Variants in FBXL22 observed in about 807,000 individuals in gnomAD.
The protein encoded by FBXL22 is F-box and leucine rich repeat protein 22.
In FBXL22, 13 loss-of-function variants were observed where a neutral mutation model predicts 11.7. The ratio of observed to expected loss-of-function variants is 1.11; its 90% CI spans 0.73 to 1.77. The LOEUF (loss-of-function observed/expected upper bound fraction) is 1.77. FBXL22 is among the 40% of genes most tolerant of loss of function. The pLI is 0.00. For missense variants in FBXL22, 406 were observed against 320.4 expected, an observed-to-expected ratio of 1.27 and a Z score of -2.04; for synonymous variants, 160 against 144.1, an observed-to-expected ratio of 1.11 and a Z score of -0.79.
chr15:63,606,287 G>C (rs768297675), downstream of FBXL22, among the ~76,000 whole-genome samples: 6 of 152,216 alleles, frequency 3.9e-5, no homozygotes, highest in Non-Finnish European at 5.9e-5. Flanking sequence ...CAGAAGTCCT[G>C]GGCAAAGGCC....
Position 63,601,061 on chromosome 15 carries a change from CGGGGAAGGA to C in FBXL22, c.*24_*32del, listed in dbSNP as rs2067363991. The C allele has an allele frequency of 1.2e-5, 15 of 1,231,018 alleles. No homozygotes were observed. Among genetic ancestry groups the C allele is most frequent in the Non-Finnish European group, 1.5e-5 (15 of 987,472 alleles). 76.3% of individuals were successfully genotyped at this position (1,231,018 alleles called of 1,614,324 possible). A position where few individuals can be genotyped will look rare whatever the true frequency, so the allele number is the denominator to read the frequency against. On this transcript the variant is annotated 3_prime_UTR_variant, in exon 2 of 2. Transcript: ENST00000638704. ...CTAGACGCCGCCCCGCCGCTGCCCC[CGGGGAAGGA>C]GCGCAGCCCCAGACCGTCCTGGCTT...
downstream of FBXL22, chr15:63,601,495 A>AC (rs1566930127): frequency 6.5e-7 from 1 of 1,546,172 alleles, no homozygotes; most frequent in Non-Finnish European, 8.7e-7. Context: ...ACCCAGCGAG[A>AC]CCCCGCCGGC....
At chr15:63,601,849 G>C (rs1392545686), downstream of FBXL22, 1 of 1,040,606 alleles carries the variant, frequency 9.6e-7, no homozygotes, top group African/African-American at 1.7e-5. Context: ...CCCTGGCTAA[G>C]CTTTTGATAA....
downstream of FBXL22, among the ~76,000 whole-genome samples, chr15:63,603,731 CAG>C (rs563539778): frequency 2.0e-3 from 301 of 152,358 alleles, 1 homozygote; most frequent in Non-Finnish European, 3.7e-3. Context: ...ACTCCAGAAA[CAG>C]GGTAGCCACA....
In FBXL22 at chr15:63,600,924, G is replaced by A; in HGVS notation, c.581G>A (p.Arg194His). ...AGCGCGGCCGGCCTGCGCCGCCTGCGCGCCGCGTGCCCGCGCCTGGCCCTG... is the reference window on the plus strand; with the variant it reads ...AGCGCGGCCGGCCTGCGCCGCCTGCACGCCGCGTGCCCGCGCCTGGCCCTG... ...NVSAAGLRRL[R>H]AACPRLALRA... The change falls in exon 2 of 2, where the codon CGC (arginine) becomes CAC (histidine). Residue 194 changes from arginine (R) to histidine (H), a missense_variant. Arg to His is a conservative substitution (Grantham distance 29). Coordinates refer to ENST00000638704, the MANE Select transcript of FBXL22 (RefSeq NM_001367807.1). 8.3e-7 allele frequency: 1 copy of A among 1,210,958 alleles called. No individual in the cohort carries two copies. 75.0% of individuals were successfully genotyped at this position (1,210,958 alleles called of 1,614,324 possible). A position where few individuals can be genotyped will look rare whatever the true frequency, so the allele number is the denominator to read the frequency against.
At chr15:63,600,012 G>A (rs2067341064) in intron 1 of FBXL22, 1 of 985,218 alleles carries the variant, frequency 1.0e-6, no homozygotes, top group South Asian at 4.7e-5. Flanking sequence ...GGCTGCAGCA[G>A]AGGGTCCCCC....
At chr15:63,602,704 T>C (rs553042235), downstream of FBXL22, among the ~76,000 whole-genome samples, 2 of 150,908 alleles carry the variant, frequency 1.3e-5, no homozygotes, top group South Asian at 2.1e-4. Context: ...TGAGAAAGGG[T>C]TGACCAATGT....
downstream of FBXL22, chr15:63,601,771 C>A: frequency 2.8e-6 from 4 of 1,413,674 alleles, no homozygotes; most frequent in African/African-American, 1.5e-5. Flanking sequence ...CTACTGTTCT[C>A]ATAAGGGAAA....
At chr15:63,606,088 G>C (rs1003403887), downstream of FBXL22, among the ~76,000 whole-genome samples, 2 of 152,228 alleles carry the variant, frequency 1.3e-5, no homozygotes, top group African/African-American at 4.8e-5. Context: ...CTGACAGGAA[G>C]CAGAGGCTCC....
downstream of FBXL22, among the ~76,000 whole-genome samples, chr15:63,603,106 T>G (rs1134684): frequency 0.16 from 23,798 of 152,176 alleles, 2,202 homozygotes; most frequent in Middle Eastern, 0.21. Context: ...GAAGTTTCAG[T>G]GGCTAATCTT....
chr15:63,604,059 A>G (rs553389743), downstream of FBXL22, among the ~76,000 whole-genome samples: 14 of 152,242 alleles, frequency 9.2e-5, no homozygotes, highest in Admixed American at 7.2e-4. Flanking sequence ...AGTATGTTCT[A>G]TTTGTCCTAA....
chr15:63,600,936 CGCGCCTGGCCCTGCGGGCAGAGCACA>C lies in FBXL22; in HGVS notation c.599_624del (p.Leu200ArgfsTer80). 1 of 1,203,934 alleles carries C rather than the reference CGCGCCTGGCCCTGCGGGCAGAGCACA, an allele frequency of 8.3e-7. No individual in the cohort carries two copies. The allele number at this position is 1,203,934 out of a possible 1,614,324, so 74.6% of individuals were successfully genotyped here. On this transcript the variant is annotated frameshift_variant, in exon 2 of 2. Transcript: ENST00000638704. LOFTEE classifies it high-confidence loss of function. ...CTGCGCCGCCTGCGCGCCGCGTGCC[CGCGCCTGGCCCTGCGGGCAGAGCACA>C]GCGCCGCCATGCTGCCCGACCAGCC...
Position 63,600,897 on chromosome 15 carries a change from T to A in FBXL22, c.554T>A (p.Val185Glu), listed in dbSNP as rs1324600971. 3 of 1,223,846 alleles carry A rather than the reference T, an allele frequency of 2.5e-6. No homozygotes were observed. The highest frequency in any genetic ancestry group is 3.1e-6 in the Non-Finnish European group (3 of 982,782). 75.8% of individuals were successfully genotyped at this position (1,223,846 alleles called of 1,614,324 possible). The change falls in exon 2 of 2, where the codon GTG becomes GAG. Residue 185 changes from valine to glutamate, a missense_variant. By Grantham distance (121) the Val-to-Glu change is moderately radical. Transcript: ENST00000638704. ...QTLHVDFCRN[V>E]SAAGLRRLRA... ...TTGCACGTGGACTTCTGCCGCAACG[T>A]GAGCGCGGCCGGCCTGCGCCGCCTG...
At chr15:63,607,325 G>A (rs1018803193), downstream of FBXL22, among the ~76,000 whole-genome samples, 3 of 152,208 alleles carry the variant, frequency 2.0e-5, no homozygotes, top group Non-Finnish European at 2.9e-5. Context: ...GATTACAGGC[G>A]TGAGCCTTTC....
At chr15:63,599,156 T>TA in intron 1 of FBXL22, 3 of 1,496,256 alleles carry the variant, frequency 2.0e-6, no homozygotes, top group Non-Finnish European at 1.8e-6. Flanking sequence ...TCCAACAGGG[T>TA]AAGAGGATTA....
Position 63,597,756 on chromosome 15 carries a change from T to C in FBXL22, c.353+11T>C, listed in dbSNP as rs543050690. On this transcript the variant is annotated intron_variant, in intron 1 of 1. Coordinates refer to ENST00000638704, the MANE Select transcript of FBXL22 (RefSeq NM_001367807.1). This position sits in a 1 kb window ranked among gnomAD's most constrained non-coding sequence, Gnocchi z 4.3. Reference sequence around the variant, plus strand: ...CCGGGTGTGCGACAGGTAGGCCACCTTGCCTCCTGAGCAGTGCTGGCCCCG... The same window carrying C: ...CCGGGTGTGCGACAGGTAGGCCACCCTGCCTCCTGAGCAGTGCTGGCCCCG... The C allele has an allele frequency of 1.2e-5, 19 of 1,562,158 alleles. No individual in the cohort carries two copies. Among genetic ancestry groups the C allele is most frequent in the African/African-American group, 1.3e-5 (1 of 74,450 alleles).
chr15:63,601,603 C>T, downstream of FBXL22: 1 of 1,586,118 alleles, frequency 6.3e-7, no homozygotes, highest in Non-Finnish European at 8.6e-7. Context: ...CAGAAGGAGC[C>T]ACCGAGCCGC....
At chr15:63,600,318 G>C (rs1389484100) in intron 1 of FBXL22, 1 of 1,024,030 alleles carries the variant, frequency 9.8e-7, no homozygotes, top group African/African-American at 1.7e-5. Flanking sequence ...CAATCGCCAA[G>C]CACCGCTCCC....
downstream of FBXL22, among the ~76,000 whole-genome samples, chr15:63,602,681 G>A (rs955872406): frequency 2.0e-5 from 3 of 152,148 alleles, no homozygotes; most frequent in Non-Finnish European, 2.9e-5. Flanking sequence ...AAGAGATTGG[G>A]GGGTGAAGCC....
Sources: gnomAD v4.1 joint callset for allele counts (sites outside exome capture counted in the v4.1 genomes callset) on GRCh38, gnomAD v4.1.1 for gene constraint, Gnocchi (gnomAD v3.1) non-coding constraint, MANE v1.5 for transcripts, NCBI Gene and HGNC (gene_info 2026-07-23, HGNC 2026-07-21) for gene names.